The following DLGAP1 variants were observed in gnomAD, a reference collection of about 807,000 sequenced individuals.
DLGAP1 encodes DLG associated protein 1.
A neutral mutation model predicts 90.8 loss-of-function variants in DLGAP1; 11 were observed. The ratio of observed to expected loss-of-function variants is 0.12; its 90% confidence interval spans 0.08 to 0.20. The LOEUF (loss-of-function observed/expected upper bound fraction) is 0.20. DLGAP1 is among the 10% of genes least tolerant of loss of function. The pLI, the probability that DLGAP1 is intolerant of heterozygous loss-of-function variation, is 1.00. For missense variants in DLGAP1, 1,050 were observed against 1,333.8 expected (o/e 0.79, Z 3.31); for synonymous variants, 558 against 540.7 (o/e 1.03, Z -0.44).
intron 1 of DLGAP1, among the ~76,000 whole-genome samples, chr18:4,245,669 G>A (rs2078639352): frequency 6.6e-6 from 1 of 152,210 alleles, no homozygotes; most frequent in South Asian, 2.1e-4. Flanking sequence ...AAATAATGAT[G>A]TATCATCAGA....
intron 7 of DLGAP1, among the ~76,000 whole-genome samples, chr18:3,638,880 G>C (rs1028604119): frequency 2.6e-5 from 4 of 152,080 alleles, no homozygotes; most frequent in Non-Finnish European, 5.9e-5. Flanking sequence ...TCCTAAAATG[G>C]TCACATTGGC....
chr18:3,503,928 T>G (rs1250569784), intron 11 of DLGAP1, among the ~76,000 whole-genome samples: 1 of 152,124 alleles, frequency 6.6e-6, no homozygotes, highest in African/African-American at 2.4e-5. Context: ...AAACCCCATC[T>G]CTACTGAAAA....
At chr18:3,558,068 T>C (rs944075593) in intron 9 of DLGAP1, among the ~76,000 whole-genome samples, 40 of 152,362 alleles carry the variant, frequency 2.6e-4, no homozygotes, top group African/African-American at 8.9e-4. Flanking sequence ...GTTAACTATA[T>C]TTAGCTGTTC....
chr18:3,716,768 TC>T (rs1288650914), intron 7 of DLGAP1, among the ~76,000 whole-genome samples: 18 of 152,216 alleles, frequency 1.2e-4, no homozygotes, highest in African/African-American at 4.3e-4. Context: ...TGTTCCCATG[TC>T]CTGTGGATTT....
intron 10 of DLGAP1, among the ~76,000 whole-genome samples, chr18:3,518,174 A>G (rs1021440136): frequency 1.6e-4 from 25 of 152,334 alleles, no homozygotes; most frequent in Middle Eastern, 3.4e-3. Context: ...TTGGGTTATT[A>G]ATTGGCCTAA....
At chr18:3,542,629 T>TC (rs1169740955) in intron 9 of DLGAP1, among the ~76,000 whole-genome samples, 3 of 152,230 alleles carry the variant, frequency 2.0e-5, no homozygotes, top group Non-Finnish European at 4.4e-5. Flanking sequence ...ACCAGTAGCT[T>TC]CTTTGCATAC....
At chr18:3,703,366 A>G (rs914089590) in intron 7 of DLGAP1, among the ~76,000 whole-genome samples, 16 of 152,248 alleles carry the variant, frequency 1.1e-4, no homozygotes, top group African/African-American at 3.6e-4. Context: ...ATTAATAGGA[A>G]GGGCAAGAAA....
chr18:4,440,503 AG>A (rs2083510008), intron 1 of DLGAP1, among the ~76,000 whole-genome samples: 3 of 152,174 alleles, frequency 2.0e-5, no homozygotes, highest in Admixed American at 2.0e-4. Flanking sequence ...TACTTTTACT[AG>A]TATCTGTCTA....
chr18:3,971,386 C>T (rs2073445287), intron 3 of DLGAP1, among the ~76,000 whole-genome samples: 2 of 152,070 alleles, frequency 1.3e-5, no homozygotes, highest in Admixed American at 1.3e-4. Flanking sequence ...TACATCCTAA[C>T]CAGTATATAT....
chr18:4,158,567 C>T (rs912915117), intron 1 of DLGAP1, among the ~76,000 whole-genome samples: 2 of 152,106 alleles, frequency 1.3e-5, no homozygotes, highest in East Asian at 1.9e-4. Flanking sequence ...TTTTGAAAAT[C>T]CTAGTACAAC....
rs1326100811 is a variant in DLGAP1, at chr18:3,738,820, C to T, written c.1350+3515G>A. 4.1e-3 allele frequency among the ~76,000 whole-genome samples: 608 copies of T among 148,940 alleles called. 6 individuals carry two copies. Among genetic ancestry groups the T allele is most frequent in the African/African-American group, 0.014 (587 of 40,782 alleles). On this transcript the variant is annotated intron_variant, in intron 6 of 12. Transcript: ENST00000315677. ...AGCTTCTGTACAGCAAAAGAAACTA[C>T]CATCAGAGTGAACAGGCAACCTACA... is the stretch of plus-strand genomic sequence containing the variant.
At chr18:3,935,603 C>T (rs1270159612) in intron 3 of DLGAP1, among the ~76,000 whole-genome samples, 1 of 152,162 alleles carries the variant, frequency 6.6e-6, no homozygotes, top group African/African-American at 2.4e-5. Flanking sequence ...GGTCCATCTG[C>T]TATTCTTGTT....
At chr18:4,057,077 A>G (rs1366404676) in intron 2 of DLGAP1, among the ~76,000 whole-genome samples, 1 of 151,058 alleles carries the variant, frequency 6.6e-6, no homozygotes, top group Non-Finnish European at 1.5e-5. Flanking sequence ...GCAGGTAGTT[A>G]GACAGACATG....
At chr18:3,680,179 C>G (rs1161553572) in intron 7 of DLGAP1, 1 of 152,418 alleles carries the variant, frequency 6.6e-6, no homozygotes, top group East Asian at 1.9e-4. Context: ...CCTGGCTGGA[C>G]ATCTCCATCT....
intron 1 of DLGAP1, among the ~76,000 whole-genome samples, chr18:4,161,031 C>CT (rs5822798): frequency 2.4e-3 from 331 of 138,186 alleles, no homozygotes; most frequent in South Asian, 7.3e-3. Context: ...TTTCCTTATG[C>CT]TTTTTTTTTT....
chr18:4,390,833 G>A (rs1175644354), intron 1 of DLGAP1, among the ~76,000 whole-genome samples: 1 of 152,110 alleles, frequency 6.6e-6, no homozygotes, highest in Non-Finnish European at 1.5e-5. Flanking sequence ...AGGCCCCTGG[G>A]CAAAGCTTTG....
intron 1 of DLGAP1, among the ~76,000 whole-genome samples, chr18:4,313,615 T>C (rs1429230570): frequency 6.6e-6 from 1 of 152,234 alleles, no homozygotes; most frequent in Non-Finnish European, 1.5e-5. Context: ...TCATCGTTTC[T>C]GCCCTGCAAA....
intron 1 of DLGAP1, among the ~76,000 whole-genome samples, chr18:4,284,187 A>T (rs1408440190): frequency 7.0e-6 from 1 of 143,070 alleles, no homozygotes; most frequent in African/African-American, 2.6e-5. Flanking sequence ...CAACACTGCT[A>T]AACTCTGCCT....
At chr18:3,968,200 C>T (rs2073369621) in intron 3 of DLGAP1, among the ~76,000 whole-genome samples, 1 of 152,176 alleles carries the variant, frequency 6.6e-6, no homozygotes, top group Non-Finnish European at 1.5e-5. Flanking sequence ...CTTCTTTCTC[C>T]TGTATCTTAA....
Sources: gnomAD v4.1 joint callset for allele counts (sites outside exome capture counted in the v4.1 genomes callset) on GRCh38, gnomAD v4.1.1 for gene constraint, MANE v1.5 for transcripts, NCBI Gene and HGNC (gene_info 2026-07-23, HGNC 2026-07-21) for gene names.